CPNE5: variants seen among roughly 807,000 people sequenced by gnomAD.
The protein encoded by CPNE5 is copine-5.
Under a neutral mutation model 81.1 loss-of-function variants are expected in CPNE5, and 42 were observed. That is an observed-to-expected ratio of 0.52 (90% CI 0.40 to 0.67). The LOEUF (loss-of-function observed/expected upper bound fraction) is 0.67, where lower values mean the gene tolerates loss of function less well. CPNE5 is among the 30% of genes least tolerant of loss of function. CPNE5 has a pLI of 0.00. For missense variants in CPNE5, 612 were observed against 815.5 expected, an observed-to-expected ratio of 0.75 and a Z score of 3.04; for synonymous variants, 313 against 321.5, an observed-to-expected ratio of 0.97 and a Z score of 0.28.
rs757357164 is a variant in CPNE5 at position 36,742,278 on chromosome 6, G to A, written c.1772C>T (p.Thr591Met). ...ARTPPASPLH[T>M]HI ...CTGCTGAGACCAGGTTCAGATGTGC[G>A]TGTGCAGGGGGGACGCAGGGGGCGT... Residue 591 changes from threonine to methionine, a missense_variant, in exon 21 of 21, where the codon ACG becomes ATG. Coordinates refer to ENST00000244751, the MANE Select transcript of CPNE5 (RefSeq NM_020939.2). 5.6e-5 allele frequency: 89 copies of A among 1,586,518 alleles called. No individual in the cohort carries two copies. Among genetic ancestry groups the A allele is most frequent in the South Asian group, 5.3e-4 (47 of 88,782 alleles).
intron 17 of CPNE5, 82 bp downstream of exon 17, chr6:36,745,305 AC>A: frequency 6.7e-7 from 1 of 1,502,694 alleles, no homozygotes; most frequent in Non-Finnish European, 9.0e-7. Context: ...GGGAAGAGAA[AC>A]CCCCTCCCAC....
chr6:36,774,916 G>A (rs1767366659), intron 10 of CPNE5, 45 bp downstream of exon 10: 2 of 1,460,478 alleles, frequency 1.4e-6, no homozygotes, highest in Non-Finnish European at 1.9e-6. Context: ...CTTGGGGAGG[G>A]CCCAGAAGCA....
chr6:36,779,866 A>T (rs1767868636), intron 8 of CPNE5, among the ~76,000 whole-genome samples: 2 of 152,058 alleles, frequency 1.3e-5, no homozygotes, highest in African/African-American at 2.4e-5. Flanking sequence ...GCATCCTGAC[A>T]AATCACCTTC....
chr6:36,791,629 A>G (rs1203527005), intron 8 of CPNE5, among the ~76,000 whole-genome samples: 1 of 152,134 alleles, frequency 6.6e-6, no homozygotes, highest in Non-Finnish European at 1.5e-5. Flanking sequence ...CAGAGCTGAA[A>G]GTGAAAAATG....
At chr6:36,827,987 C>T (rs1772653660) in intron 1 of CPNE5, among the ~76,000 whole-genome samples, 1 of 152,112 alleles carries the variant, frequency 6.6e-6, no homozygotes, top group African/African-American at 2.4e-5. Context: ...GAGCCCCTTT[C>T]CTCCCTGCTT....
chr6:36,780,413 C>T (rs1044475338), intron 8 of CPNE5, among the ~76,000 whole-genome samples: 4 of 152,212 alleles, frequency 2.6e-5, no homozygotes, highest in Non-Finnish European at 4.4e-5. Context: ...GTTAGGAATA[C>T]GGCTGCTGGA....
At position 36,756,330 on chromosome 6, in the gene CPNE5, T is replaced by C. The variant is rs770577261; in HGVS notation, c.856-32A>G. 4 of 1,603,618 alleles carry C rather than the reference T, an allele frequency of 2.5e-6. No individual in the cohort carries two copies. The East Asian group carries it at 8.9e-5, about 36-fold the overall frequency. On this transcript the variant is annotated intron_variant, in intron 12 of 20. Transcript: ENST00000244751. The stretch of plus-strand genomic sequence containing the variant: ...GAAAAACCAGTTACCAGGTAAGGCA[T>C]GCTTCCAGGCAGTCAGGGTGAGTCT...
intron 16 of CPNE5, 96 bp from the exon 17 acceptor site, chr6:36,745,611 T>G: frequency 6.6e-6 from 9 of 1,354,004 alleles, no homozygotes; most frequent in Non-Finnish European, 8.0e-6. Flanking sequence ...CCAGCAGGCC[T>G]GGGCTCCCCC....
At chr6:36,751,625 A>G (rs1764835021) in intron 14 of CPNE5, among the ~76,000 whole-genome samples, 2 of 152,168 alleles carry the variant, frequency 1.3e-5, no homozygotes. Context: ...GCCCGTCTCT[A>G]CTAAAAATAC....
chr6:36,770,491 C>T (rs1464620097), intron 10 of CPNE5, among the ~76,000 whole-genome samples: 2 of 152,158 alleles, frequency 1.3e-5, no homozygotes, highest in East Asian at 1.9e-4. Flanking sequence ...CCCATCATTC[C>T]GAGAACACTG....
At chr6:36,788,507 C>T (rs1768797984) in intron 8 of CPNE5, among the ~76,000 whole-genome samples, 1 of 151,922 alleles carries the variant, frequency 6.6e-6, no homozygotes, top group South Asian at 2.1e-4. Flanking sequence ...CTTAGGCAGA[C>T]CACTAACTTC....
rs765487335 is a variant in CPNE5, at chr6:36,765,344, C to G, written c.770G>C (p.Arg257Pro). 5 of 1,614,066 alleles carry G rather than the reference C, an allele frequency of 3.1e-6. No individual in the cohort carries two copies. Among genetic ancestry groups the G allele is most frequent in the South Asian group, 1.1e-5 (1 of 91,086 alleles). ...TIKVEVYDWD[R>P]DGSHDFIGEF... Reference sequence around the variant, plus strand: ...CCTCCTGCCTGCTTACCTGCCGTCCCGATCCCAGTCGTACACCTCCACCTT... The same window carrying G: ...CCTCCTGCCTGCTTACCTGCCGTCCGGATCCCAGTCGTACACCTCCACCTT... Residue 257 changes from arginine (R) to proline (P), a missense_variant, in exon 11 of 21, where the codon CGG becomes CCG. Coordinates refer to ENST00000244751, the MANE Select transcript of CPNE5 (RefSeq NM_020939.2).
chr6:36,793,043 G>T (rs1331593731), intron 7 of CPNE5, among the ~76,000 whole-genome samples: 1 of 152,102 alleles, frequency 6.6e-6, no homozygotes, highest in East Asian at 1.9e-4. Flanking sequence ...GAGAAGGCCC[G>T]CAGTGAGCAG....
chr6:36,803,582 T>A (rs1333639297), intron 3 of CPNE5, among the ~76,000 whole-genome samples: 5 of 152,206 alleles, frequency 3.3e-5, no homozygotes, highest in Admixed American at 3.3e-4. Flanking sequence ...GTTTTAAACA[T>A]TTTGTGCCGT....
chr6:36,835,129 T>C (rs1252855631), intron 1 of CPNE5, among the ~76,000 whole-genome samples: 2 of 152,360 alleles, frequency 1.3e-5, no homozygotes, highest in East Asian at 3.9e-4. Context: ...CCGCCGCGTC[T>C]TCCCTGGGTC....
chr6:36,838,706 A>G (rs1773752398), intron 1 of CPNE5: 1 of 945,614 alleles, frequency 1.1e-6, no homozygotes, highest in Non-Finnish European at 1.3e-6. Flanking sequence ...CTTAGTATGA[A>G]TGAGTCAATC....
chr6:36,814,883 A>T (rs1235741515), intron 3 of CPNE5, among the ~76,000 whole-genome samples: 1 of 152,152 alleles, frequency 6.6e-6, no homozygotes, highest in Non-Finnish European at 1.5e-5. Context: ...AACAGTGTCT[A>T]TGGCCAGGTG....
intron 3 of CPNE5, among the ~76,000 whole-genome samples, chr6:36,813,553 C>G (rs371181528): frequency 3.3e-4 from 50 of 152,272 alleles, no homozygotes; most frequent in Admixed American, 2.1e-3. Context: ...ATAAAACCCT[C>G]AAGTAGCTTA....
rs116200609 is a variant in CPNE5, at chr6:36,760,141, G to A, written c.855+2776C>T. 7.3e-3 allele frequency among the ~76,000 whole-genome samples: 1,101 copies of A among 151,068 alleles called. 9 individuals carry two copies. The highest frequency in any genetic ancestry group is 0.012 in the Non-Finnish European group (829 of 67,836). ...GAGGTGGGAGGATAGCTAGAGCCTG[G>A]AAGTAGAGGTGGAGGTTGCAGTAAG... On this transcript the variant is annotated intron_variant, in intron 12 of 20. Coordinates refer to ENST00000244751, the MANE Select transcript of CPNE5 (RefSeq NM_020939.2).
Sources: allele counts gnomAD v4.1 joint callset (sites outside exome capture counted in the v4.1 genomes callset), GRCh38; gene constraint gnomAD v4.1.1; transcripts MANE v1.5; gene names NCBI Gene and HGNC (gene_info 2026-07-23, HGNC 2026-07-21).